The following RNF152 variants were observed in gnomAD, a reference collection of about 807,000 sequenced individuals.
The protein encoded by RNF152 is E3 ubiquitin-protein ligase RNF152.
Under a neutral mutation model 12.7 loss-of-function variants are expected in RNF152, and 11 were observed. The ratio of observed to expected loss-of-function variants is 0.86; its 90% CI spans 0.54 to 1.43. The LOEUF is 1.43. RNF152 is among the 40% of genes most tolerant of loss of function. The probability of loss-of-function intolerance (pLI) is 0.00; values close to 1 mark genes in which losing one functional copy is unlikely to be tolerated. For missense variants in RNF152, 255 were observed against 274.8 expected, an observed-to-expected ratio of 0.93 and a Z score of 0.51; for synonymous variants, 113 against 120.3, an observed-to-expected ratio of 0.94 and a Z score of 0.40.
intron 1 of RNF152, among the ~76,000 whole-genome samples, chr18:61,836,572 C>G (rs940884980): frequency 5.8e-4 from 88 of 152,140 alleles, no homozygotes; most frequent in Non-Finnish European, 5.9e-5. Context: ...GGTTCCCACC[C>G]GAATCTGACC....
intron 1 of RNF152, among the ~76,000 whole-genome samples, chr18:61,833,972 T>C (rs558481038): frequency 4.6e-5 from 7 of 152,364 alleles, no homozygotes; most frequent in Admixed American, 2.0e-4. Context: ...CAAAAGCTAA[T>C]GCAAAACTGC....
At position 61,867,566 on chromosome 18, in the gene RNF152, T is replaced by C. The variant is rs373450871; in HGVS notation, c.-136+25229A>G. 6.5e-4 allele frequency among the ~76,000 whole-genome samples: 99 copies of C among 152,284 alleles called. No individual in the cohort carries two copies. In the South Asian group the frequency reaches 0.018, roughly 27 times the overall value. ...GATATTTGAAAGGAGTTTGGTTGTT[T>C]TGTTTTTTATTTTTTTCATTTTAAG... is the stretch of plus-strand genomic sequence containing the variant. On this transcript the variant is annotated intron_variant, in intron 1 of 1. Transcript: ENST00000312828.
intron 1 of RNF152, among the ~76,000 whole-genome samples, chr18:61,827,856 T>C (rs1909742457): frequency 1.3e-5 from 2 of 152,196 alleles, no homozygotes; most frequent in Admixed American, 6.5e-5. Context: ...AGGGTTGATT[T>C]TCCATTTAGG....
At chr18:61,841,165 C>A (rs1910438774) in intron 1 of RNF152, among the ~76,000 whole-genome samples, 1 of 152,312 alleles carries the variant, frequency 6.6e-6, no homozygotes, top group South Asian at 2.1e-4. Flanking sequence ...GGGTTCCATA[C>A]ATGATAGAAG....
chr18:61,888,269 C>T (rs897851097), intron 1 of RNF152: 10 of 152,208 alleles, frequency 6.6e-5, no homozygotes, highest in African/African-American at 2.4e-4. Flanking sequence ...CACAGATACA[C>T]TATTTGAGGT....
Position 61,816,171 on chromosome 18 carries a change from C to A in RNF152, c.293G>T (p.Gly98Val), listed in dbSNP as rs779580846. ...GATGGGCAGGGGCAGCATGTAGCACCCATTGCTGGGAAGTTTGATGAAGAC... is the reference window on the plus strand; with the variant it reads ...GATGGGCAGGGGCAGCATGTAGCACACATTGCTGGGAAGTTTGATGAAGAC... ...TPVFIKLPSN[G>V]CYMLPLPISK... The change falls in exon 2 of 2, where the codon GGG (glycine) becomes GTG (valine). Residue 98 changes from glycine to valine, a missense_variant. Transcript: ENST00000312828. The A allele has an allele frequency of 1.4e-5, 22 of 1,614,232 alleles. No individual in the cohort carries two copies. The South Asian group carries it at 2.3e-4, about 17-fold the overall frequency.
chr18:61,889,870 G>T (rs1463125703), intron 1 of RNF152, among the ~76,000 whole-genome samples: 1 of 152,148 alleles, frequency 6.6e-6, no homozygotes, highest in Admixed American at 6.5e-5. Flanking sequence ...TGGTGAGGAA[G>T]AGAAAGTCTG....
chr18:61,839,174 A>G (rs969204935), intron 1 of RNF152, among the ~76,000 whole-genome samples: 2 of 152,164 alleles, frequency 1.3e-5, no homozygotes, highest in Admixed American at 1.3e-4. Context: ...ACTGCAGTAC[A>G]GTCATTAAAA....
chr18:61,870,151 A>G (rs1218115880), intron 1 of RNF152, among the ~76,000 whole-genome samples: 1 of 152,184 alleles, frequency 6.6e-6, no homozygotes, highest in Non-Finnish European at 1.5e-5. Context: ...ACCCACATTT[A>G]TCACGAATAC....
Position 61,850,765 on chromosome 18 carries a change from G to A in RNF152, c.-135-34167C>T, listed in dbSNP as rs184099636. 1.1e-3 allele frequency among the ~76,000 whole-genome samples: 175 copies of A among 152,222 alleles called. 1 individual carries two copies. The highest frequency in any genetic ancestry group is 3.9e-3 in the African/African-American group (162 of 41,532). ...GACAATTTTATGGTTTATCCAAACC[G>A]CTTGTTTGAGCTCAGGGAACTGATG... On this transcript the variant is annotated intron_variant, in intron 1 of 1. Coordinates refer to ENST00000312828, the MANE Select transcript of RNF152 (RefSeq NM_173557.3).
At chr18:61,847,574 A>T (rs1301267925) in intron 1 of RNF152, among the ~76,000 whole-genome samples, 1 of 152,230 alleles carries the variant, frequency 6.6e-6, no homozygotes, top group African/African-American at 2.4e-5. Flanking sequence ...CATGGTGTAA[A>T]CATTTATTTT....
rs1469693951 is a variant in RNF152 at position 61,809,710 on chromosome 18, T to C, written c.*6142A>G. The C allele has an allele frequency of 6.6e-6, 1 of 152,158 alleles. No individual in the cohort carries two copies. The highest frequency in any genetic ancestry group is 1.9e-4 in the East Asian group (1 of 5,196). The allele number at this position is 152,158 out of a possible 1,614,324, so 9.4% of individuals were successfully genotyped here. A position where few individuals can be genotyped will look rare whatever the true frequency, so the allele number is the denominator to read the frequency against. On this transcript the variant is annotated 3_prime_UTR_variant, in exon 2 of 2. Transcript: ENST00000312828. Reference sequence around the variant, plus strand: ...CTCAGTACTCTGCCCCAAATATTACTGATTGTCCCTAAAAATATCATAGTA... The same window carrying C: ...CTCAGTACTCTGCCCCAAATATTACCGATTGTCCCTAAAAATATCATAGTA...
intron 1 of RNF152, among the ~76,000 whole-genome samples, chr18:61,825,944 T>G (rs569615453): frequency 1.3e-5 from 2 of 152,208 alleles, no homozygotes; most frequent in South Asian, 4.1e-4. Context: ...TTTCCCATTA[T>G]ATTTTATCTA....
At chr18:61,894,188 G>GGCGGCGGCGGCGACA (rs1913112529), upstream of RNF152, 1 of 151,488 alleles carries the variant, frequency 6.6e-6, no homozygotes, top group Admixed American at 6.6e-5. The surrounding 1 kb of genome is among the most constrained non-coding windows in gnomAD (Gnocchi z 4.9). Context: ...CTACAGAGGC[G>GGCGGCGGCGGCGACA]GCGGCGGCGG....
chr18:61,834,354 G>T (rs150091344), intron 1 of RNF152, among the ~76,000 whole-genome samples: 4 of 152,168 alleles, frequency 2.6e-5, no homozygotes, highest in Non-Finnish European at 5.9e-5. Flanking sequence ...AAGCTTTCCC[G>T]TTCCCCTCCA....
intron 1 of RNF152, among the ~76,000 whole-genome samples, chr18:61,884,598 G>A (rs1169594301): frequency 2.6e-5 from 4 of 152,060 alleles, no homozygotes; most frequent in Non-Finnish European, 4.4e-5. Flanking sequence ...TCATTCTGTC[G>A]CCCAGGCTGG....
At chr18:61,860,751 C>T (rs1911438346) in intron 1 of RNF152, among the ~76,000 whole-genome samples, 1 of 152,182 alleles carries the variant, frequency 6.6e-6, no homozygotes, top group East Asian at 1.9e-4. Flanking sequence ...GAAGGCACTG[C>T]TGTCACAGGA....
intron 1 of RNF152, among the ~76,000 whole-genome samples, chr18:61,849,857 A>T (rs1165588635): frequency 2.6e-5 from 4 of 152,124 alleles, no homozygotes; most frequent in Non-Finnish European, 4.4e-5. Flanking sequence ...TTGAGCCACC[A>T]TGCCCTGACA....
At chr18:61,872,734 G>A (rs1268815743) in intron 1 of RNF152, among the ~76,000 whole-genome samples, 7 of 151,796 alleles carry the variant, frequency 4.6e-5, no homozygotes, top group African/African-American at 1.2e-4. Flanking sequence ...CATGATTTTC[G>A]CAGCTATTTG....
Sources: gnomAD v4.1 joint callset for allele counts (sites outside exome capture counted in the v4.1 genomes callset) on GRCh38, gnomAD v4.1.1 for gene constraint, Gnocchi (gnomAD v3.1) non-coding constraint, MANE v1.5 for transcripts, NCBI Gene and HGNC (gene_info 2026-07-23, HGNC 2026-07-21) for gene names.